Variants in CNTN1 observed in about 807,000 individuals in gnomAD.
CNTN1 encodes contactin-1.
In CNTN1, 38 loss-of-function variants were observed where a neutral mutation model predicts 126.4. The observed-to-expected ratio is 0.30, with a 90% CI of 0.23 to 0.39. The LOEUF is 0.39. Among genes scored for constraint, CNTN1 ranks in the 10% least tolerant of loss-of-function variants. The probability of loss-of-function intolerance (pLI) is 1.00; values close to 1 mark genes in which losing one functional copy is unlikely to be tolerated. For synonymous variants in CNTN1, 413 were observed against 422.6 expected, an observed-to-expected ratio of 0.98 and a Z score of 0.28; for missense variants, 1,009 against 1,248.4, an observed-to-expected ratio of 0.81 and a Z score of 2.89.
At chr12:40,889,869 C>T (rs12316203) in intron 1 of CNTN1, among the ~76,000 whole-genome samples, 19,761 of 151,900 alleles carry the variant, frequency 0.13, 1,673 homozygotes, top group African/African-American at 0.24. Context: ...CCTCATTTCT[C>T]GATGTGTTAG....
chr12:40,824,918 T>C (rs1256315904), intron 1 of CNTN1, among the ~76,000 whole-genome samples: 1 of 152,184 alleles, frequency 6.6e-6, no homozygotes, highest in East Asian at 1.9e-4. Context: ...ATTTTACATA[T>C]AGACACAGTT....
intron 1 of CNTN1, among the ~76,000 whole-genome samples, chr12:40,867,488 T>C (rs1182912100): frequency 6.6e-6 from 1 of 152,188 alleles, no homozygotes; most frequent in African/African-American, 2.4e-5. Flanking sequence ...TAAGAGTCCA[T>C]GTTAAGTGTT....
intron 1 of CNTN1, among the ~76,000 whole-genome samples, chr12:40,795,301 AC>A (rs1940380619): frequency 1.1e-5 from 1 of 94,702 alleles, no homozygotes; most frequent in Non-Finnish European, 2.4e-5. Context: ...ACACACACAC[AC>A]ACACACACAC....
chr12:40,739,358 T>C (rs1937836151), intron 1 of CNTN1, among the ~76,000 whole-genome samples: 1 of 152,076 alleles, frequency 6.6e-6, no homozygotes, highest in Non-Finnish European at 1.5e-5. Context: ...TTTGAAGGCA[T>C]GCAAAACAAT....
intron 4 of CNTN1, 22 bp from the exon 5 acceptor site, chr12:40,922,234 C>A (rs376809575): frequency 6.2e-6 from 10 of 1,610,764 alleles, no homozygotes; most frequent in Non-Finnish European, 8.5e-6. Flanking sequence ...TGTGATATGA[C>A]CTTTGTGTCT....
intron 23 of CNTN1, among the ~76,000 whole-genome samples, chr12:41,040,071 G>A (rs1242100014): frequency 2.0e-5 from 3 of 152,066 alleles, no homozygotes; most frequent in African/African-American, 7.2e-5. Context: ...AGATTCTGCA[G>A]ATGTGTTAGG....
chr12:40,922,213 G>T, intron 4 of CNTN1, 43 bp from the exon 5 acceptor site: 1 of 1,568,874 alleles, frequency 6.4e-7, no homozygotes, highest in African/African-American at 1.3e-5. Flanking sequence ...GAGTTTCTAG[G>T]TCTCATGACC....
At chr12:40,991,788 A>G (rs1169624210) in intron 16 of CNTN1, among the ~76,000 whole-genome samples, 2 of 152,220 alleles carry the variant, frequency 1.3e-5, no homozygotes, top group Non-Finnish European at 2.9e-5. Flanking sequence ...AGATCACGCA[A>G]CTGCACTCCA....
chr12:40,793,709 A>G (rs1337732192), intron 1 of CNTN1, among the ~76,000 whole-genome samples: 2 of 152,046 alleles, frequency 1.3e-5, no homozygotes, highest in Non-Finnish European at 2.9e-5. Flanking sequence ...CCACCTGGAA[A>G]ATATCTACTC....
At chr12:41,044,523 A>G (rs988974080) in intron 23 of CNTN1, among the ~76,000 whole-genome samples, 7 of 152,114 alleles carry the variant, frequency 4.6e-5, no homozygotes, top group Admixed American at 2.0e-4. Flanking sequence ...GTTTTGTTTT[A>G]TATTTTAGAT....
Position 40,695,759 on chromosome 12 carries a change from T to C in CNTN1, c.-77+3167T>C, listed in dbSNP as rs548771778. ...CACAATGCTCTGATAGCGTACTTTT[T>C]TCTTAATTTTTCTAACTTTCCTTTC... On this transcript the variant is annotated intron_variant, in intron 1 of 23. Coordinates refer to ENST00000551295, the MANE Select transcript of CNTN1 (RefSeq NM_001843.4). Among the ~76,000 whole-genome samples the C allele has an allele frequency of 2.0e-5, 3 of 152,330 alleles. No homozygotes were observed. In the East Asian group the frequency reaches 5.8e-4, roughly 29 times the overall value.
intron 17 of CNTN1, among the ~76,000 whole-genome samples, chr12:41,013,348 G>C (rs1295281392): frequency 6.6e-6 from 1 of 152,126 alleles, no homozygotes; most frequent in African/African-American, 2.4e-5. Flanking sequence ...CAGCTTGCTT[G>C]TTTATGTCTG....
At chr12:40,840,581 C>CATATG (rs1455516882) in intron 1 of CNTN1, among the ~76,000 whole-genome samples, 3 of 151,834 alleles carry the variant, frequency 2.0e-5, no homozygotes, top group Non-Finnish European at 4.4e-5. Context: ...CAGGATAGAT[C>CATATG]ATATGTGAGA....
intron 15 of CNTN1, among the ~76,000 whole-genome samples, chr12:40,979,999 T>C (rs1462674599): frequency 2.6e-5 from 4 of 152,166 alleles, no homozygotes; most frequent in Non-Finnish European, 4.4e-5. Context: ...CTATATATTA[T>C]ATAAGTAGAA....
intron 1 of CNTN1, among the ~76,000 whole-genome samples, chr12:40,717,841 C>G (rs1942087421): frequency 6.6e-6 from 1 of 152,148 alleles, no homozygotes; most frequent in Non-Finnish European, 1.5e-5. Flanking sequence ...TGAATTCTCA[C>G]AAAACTAGGT....
At chr12:40,853,612 TGATATACAAGATAAACAAGA>T (rs1004536200) in intron 1 of CNTN1, among the ~76,000 whole-genome samples, 9 of 152,172 alleles carry the variant, frequency 5.9e-5, no homozygotes, top group Middle Eastern at 3.4e-3. Context: ...GATAAACAAG[TGATATACAAGATAAACAAGA>T]GATATACAAG....
In CNTN1 at chr12:41,071,954, A is replaced by G. The variant is rs1950166249; in HGVS notation, c.*1919A>G. 1 of 152,210 alleles carries G rather than the reference A, an allele frequency of 6.6e-6. No individual in the cohort carries two copies. Among genetic ancestry groups the G allele is most frequent in the Non-Finnish European group, 1.5e-5 (1 of 68,036 alleles). 9.4% of individuals were successfully genotyped at this position (152,210 alleles called of 1,614,324 possible). ...ATGCTTGCCTTTTATTTTCTAATAT[A>G]TGATAATAACGAGCAAAACTGGTTA... is the stretch of plus-strand genomic sequence containing the variant. On this transcript the variant is annotated 3_prime_UTR_variant, in exon 24 of 24. Coordinates refer to ENST00000551295, the MANE Select transcript of CNTN1 (RefSeq NM_001843.4).
chr12:40,775,440 TTTTTTTC>T (rs1939539773), intron 1 of CNTN1, among the ~76,000 whole-genome samples: 1 of 151,468 alleles, frequency 6.6e-6, no homozygotes, highest in East Asian at 1.9e-4. Flanking sequence ...TCTATAATTA[TTTTTTTC>T]CATTATATTT....
At chr12:40,838,309 T>C (rs1942143489) in intron 1 of CNTN1, among the ~76,000 whole-genome samples, 1 of 149,588 alleles carries the variant, frequency 6.7e-6, no homozygotes, top group Non-Finnish European at 1.5e-5. Context: ...CCATTGCTGC[T>C]ACCACCAACA....
Sources: gnomAD v4.1 joint callset for allele counts (sites outside exome capture counted in the v4.1 genomes callset) on GRCh38, gnomAD v4.1.1 for gene constraint, MANE v1.5 for transcripts, NCBI Gene and HGNC (gene_info 2026-07-23, HGNC 2026-07-21) for gene names.